NRL: variants seen among roughly 807,000 people sequenced by gnomAD.
NRL encodes the protein neural retina leucine zipper.
NRL carries 16 observed loss-of-function variants against 12.5 expected under a neutral mutation model. The ratio of observed to expected loss-of-function variants is 1.28; its 90% confidence interval spans 0.87 to 1.95. NRL has a LOEUF of 1.95. Among genes scored for constraint, NRL ranks in the 30% most tolerant of loss-of-function variants. The probability of loss-of-function intolerance (pLI) is 0.00; values close to 1 mark genes in which losing one functional copy is unlikely to be tolerated. For missense variants in NRL, 314 were observed against 325.8 expected (o/e 0.96, Z 0.28); for synonymous variants, 142 against 150.9 (o/e 0.94, Z 0.43).
rs1356476304 is a variant in NRL at position 24,082,465 on chromosome 14, C to G, written c.381+3G>C. ...CCCTCAGGCCAGCTTGCTGACCACT[C>G]ACCTGGACGTGCTGGGCTCCTGTCT... On this transcript the variant is annotated splice_donor_region_variant and intron_variant, in intron 2 of 2. Coordinates refer to ENST00000561028, the MANE Select transcript of NRL (RefSeq NM_001354768.3). 3.7e-6 allele frequency: 6 copies of G among 1,612,200 alleles called. No homozygotes were observed. Among genetic ancestry groups the G allele is most frequent in the Non-Finnish European group, 5.1e-6 (6 of 1,180,044 alleles).
chr14:24,114,639 C>T (rs2037494325), intron 1 of NRL, 83 bp downstream of exon 1: 1 of 977,078 alleles, frequency 1.0e-6, no homozygotes, highest in Non-Finnish European at 1.2e-6. Flanking sequence ...TTCCCACTTA[C>T]TCCTCCCCAG....
intron 1 of NRL, among the ~76,000 whole-genome samples, chr14:24,101,395 C>T (rs1234782496): frequency 2.6e-5 from 4 of 152,178 alleles, no homozygotes; most frequent in African/African-American, 7.2e-5. Context: ...GTCTGACCAG[C>T]AACCTCCAGC....
intron 1 of NRL, among the ~76,000 whole-genome samples, chr14:24,091,718 T>C (rs1402850820): frequency 6.6e-6 from 1 of 152,190 alleles, no homozygotes; most frequent in Non-Finnish European, 1.5e-5. Context: ...TCTTTTTTTT[T>C]TCAATATACA....
chr14:24,104,593 C>T (rs79750495), intron 1 of NRL, among the ~76,000 whole-genome samples: 6,921 of 149,188 alleles, frequency 0.046, 212 homozygotes, highest in South Asian at 0.092. Flanking sequence ...AAACCAAGGT[C>T]GTGCCACTGC....
chr14:24,084,553 A>G, intron 1 of NRL: 1 of 985,498 alleles, frequency 1.0e-6, no homozygotes, highest in Non-Finnish European at 1.2e-6. Flanking sequence ...GGTCAGTGCC[A>G]GAGCCAGACA....
intron 1 of NRL, chr14:24,098,123 A>G (rs142558420): frequency 4.3e-5 from 52 of 1,214,170 alleles, no homozygotes; most frequent in Non-Finnish European, 5.9e-5. Flanking sequence ...CCTGGAGTCA[A>G]AGTTGGACTT....
In NRL at chr14:24,094,701, C is replaced by T; in HGVS notation, c.-27-11826G>A. On this transcript the variant is annotated intron_variant, in intron 1 of 2. Coordinates refer to ENST00000561028, the MANE Select transcript of NRL (RefSeq NM_001354768.3). This position sits in a 1 kb window ranked among gnomAD's most constrained non-coding sequence, Gnocchi z 4.1. ...CGATCTCTATCTGCCACTCTCAGAA[C>T]TTCCTCTCTCTCCTCGCTCCTCTCT... 4 of 1,516,134 alleles carry T rather than the reference C, an allele frequency of 2.6e-6. No individual in the cohort carries two copies. The East Asian group carries it at 1.0e-4, about 38-fold the overall frequency. 93.9% of individuals were successfully genotyped at this position (1,516,134 alleles called of 1,614,324 possible).
intron 1 of NRL, 49 bp downstream of exon 1, chr14:24,114,673 G>T: frequency 1.0e-6 from 1 of 985,728 alleles, no homozygotes; most frequent in Non-Finnish European, 1.2e-6. Flanking sequence ...CCCTCCTTGG[G>T]TGTGCACTTT....
chr14:24,108,023 T>C (rs571939783), intron 1 of NRL, among the ~76,000 whole-genome samples: 1 of 152,350 alleles, frequency 6.6e-6, no homozygotes, highest in South Asian at 2.1e-4. Context: ...GTTCAAATTG[T>C]CCCACATTTG....
intron 1 of NRL, among the ~76,000 whole-genome samples, chr14:24,095,969 C>CA (rs1410986937): frequency 6.6e-6 from 1 of 152,210 alleles, no homozygotes; most frequent in African/African-American, 2.4e-5. Context: ...GCCCAGCATC[C>CA]AGTCACCTAT....
intron 1 of NRL, chr14:24,098,988 G>C: frequency 7.5e-7 from 1 of 1,328,894 alleles, no homozygotes; most frequent in Non-Finnish European, 1.1e-6. Flanking sequence ...TGATCCCTCT[G>C]GCCCCGACAC....
At chr14:24,093,967 CT>C in intron 1 of NRL, 1 of 504,792 alleles carries the variant, frequency 2.0e-6, no homozygotes, top group African/African-American at 2.0e-5. Context: ...TCTCCCGCCC[CT>C]GGCCTCGCCC....
chr14:24,100,290 T>C, intron 1 of NRL: 1 of 1,569,336 alleles, frequency 6.4e-7, no homozygotes, highest in Non-Finnish European at 8.6e-7. Flanking sequence ...CTCCACAACC[T>C]CCAACCATCT....
intron 1 of NRL, among the ~76,000 whole-genome samples, chr14:24,097,649 A>ATG (rs1297683811): frequency 6.7e-6 from 1 of 149,430 alleles, no homozygotes; most frequent in African/African-American, 2.5e-5. Context: ...GTGCAGTGGC[A>ATG]TGATTTCAGC....
rs1028052007 is a variant in NRL, at chr14:24,094,981, C to T, written c.-27-12106G>A. 8 of 667,582 alleles carry T rather than the reference C, an allele frequency of 1.2e-5. No individual in the cohort carries two copies. In the African/African-American group the frequency reaches 1.5e-4, roughly 12 times the overall value. 41.4% of individuals were successfully genotyped at this position (667,582 alleles called of 1,614,324 possible). A position where few individuals can be genotyped will look rare whatever the true frequency, so the allele number is the denominator to read the frequency against. The stretch of plus-strand genomic sequence containing the variant: ...CAGAGCAGCCCGAGGGACCTGGGCC[C>T]AGGGGAGGGAGGCAAGCAAGGTGGG... On this transcript the variant is annotated intron_variant, in intron 1 of 2. Transcript: ENST00000561028. This position sits in a 1 kb window ranked among gnomAD's most constrained non-coding sequence, Gnocchi z 4.1.
intron 1 of NRL, among the ~76,000 whole-genome samples, chr14:24,092,046 C>G (rs534899283): frequency 6.6e-6 from 1 of 152,324 alleles, no homozygotes; most frequent in East Asian, 1.9e-4. Context: ...CCCGTGTCCA[C>G]ATATGTAAAA....
rs111287776 is a variant in NRL, at chr14:24,105,133, A to T, written c.-28+9589T>A. ...TTAACTAAAAGTATTCCTTACGGGAAACAAAGGGATGGGCCAAAATGAAGA... is the reference window on the plus strand; with the variant it reads ...TTAACTAAAAGTATTCCTTACGGGATACAAAGGGATGGGCCAAAATGAAGA... On this transcript the variant is annotated intron_variant, in intron 1 of 2. Transcript: ENST00000561028. Among the ~76,000 whole-genome samples the T allele has an allele frequency of 1.2e-3, 181 of 152,358 alleles. 3 individuals are homozygous for T. The highest frequency in any genetic ancestry group is 1.7e-3 in the South Asian group (8 of 4,832).
chr14:24,104,977 C>T (rs1032379706), intron 1 of NRL, among the ~76,000 whole-genome samples: 2 of 152,240 alleles, frequency 1.3e-5, no homozygotes, highest in Admixed American at 6.5e-5. Context: ...ATTAAAAACA[C>T]GCACACAGAA....
At chr14:24,100,296 C>T (rs1389426918) in intron 1 of NRL, 2 of 1,565,172 alleles carry the variant, frequency 1.3e-6, no homozygotes, top group South Asian at 2.5e-5. Flanking sequence ...AACCTCCAAC[C>T]ATCTTCTAGG....
Sources: allele counts gnomAD v4.1 joint callset (sites outside exome capture counted in the v4.1 genomes callset), GRCh38; gene constraint gnomAD v4.1.1; non-coding constraint Gnocchi (gnomAD v3.1); transcripts MANE v1.5; gene names NCBI Gene and HGNC (gene_info 2026-07-23, HGNC 2026-07-21).